Variants in DCC observed in about 807,000 individuals in gnomAD.
DCC encodes the protein DCC netrin 1 receptor, also known as netrin receptor DCC.
DCC carries 58 observed loss-of-function variants against 172.5 expected under a neutral mutation model. The observed-to-expected ratio is 0.34, with a 90% CI of 0.27 to 0.42. The LOEUF (loss-of-function observed/expected upper bound fraction) is 0.42. Among genes scored for constraint, DCC ranks in the 10% least tolerant of loss-of-function variants. DCC has a pLI of 1.00. For missense variants in DCC, 1,740 were observed against 1,791.0 expected (o/e 0.97, Z 0.51); for synonymous variants, 709 against 644.5 (o/e 1.10, Z -1.52).
chr18:52,354,123 G>C (rs530498625), intron 1 of DCC, among the ~76,000 whole-genome samples: 26 of 152,284 alleles, frequency 1.7e-4, no homozygotes, highest in African/African-American at 3.4e-4. Flanking sequence ...TTAGTTACTG[G>C]AGTAGTAATA....
At chr18:52,740,013 G>T (rs781069991) in intron 1 of DCC, among the ~76,000 whole-genome samples, 1 of 152,136 alleles carries the variant, frequency 6.6e-6, no homozygotes, top group Non-Finnish European at 1.5e-5. Flanking sequence ...ACGCCTGCAT[G>T]CAGTAAGCCC....
At position 53,338,325 on chromosome 18, in the gene DCC, TG is replaced by T. The variant is rs1441257709; in HGVS notation, c.2165-1385del. 3.3e-5 allele frequency among the ~76,000 whole-genome samples: 5 copies of T among 152,306 alleles called. No individual in the cohort carries two copies. The East Asian group carries it at 9.7e-4, about 29-fold the overall frequency. ...GTTGTATAAATATTTATTAATTGGC[TG>T]GGCACGATGGCTCAAGCCTGTAATC... On this transcript the variant is annotated intron_variant, in intron 14 of 28. Coordinates refer to ENST00000442544, the MANE Select transcript of DCC (RefSeq NM_005215.4).
intron 26 of DCC, among the ~76,000 whole-genome samples, chr18:53,491,448 G>A (rs767878024): frequency 6.6e-6 from 1 of 152,038 alleles, no homozygotes; most frequent in Non-Finnish European, 1.5e-5. Context: ...TGCCATGGTG[G>A]TTTGCTGCAC....
intron 1 of DCC, among the ~76,000 whole-genome samples, chr18:52,436,780 C>T (rs1987809910): frequency 6.6e-6 from 1 of 152,112 alleles, no homozygotes; most frequent in African/African-American, 2.4e-5. Context: ...ATCAGCTAGG[C>T]ATGGTGGTAC....
intron 1 of DCC, among the ~76,000 whole-genome samples, chr18:52,454,473 A>G (rs1032704796): frequency 4.0e-5 from 6 of 151,152 alleles, no homozygotes; most frequent in Admixed American, 3.9e-4. Flanking sequence ...TTTTCTCCCC[A>G]ATTCTGCTTT....
chr18:52,911,537 ACTT>A (rs1195021384), intron 3 of DCC, among the ~76,000 whole-genome samples: 1 of 152,058 alleles, frequency 6.6e-6, no homozygotes, highest in Admixed American at 6.6e-5. Context: ...GATATTAACT[ACTT>A]ATTATAACAG....
intron 24 of DCC, among the ~76,000 whole-genome samples, chr18:53,461,717 T>C (rs1599176446): frequency 6.6e-6 from 1 of 152,256 alleles, no homozygotes; most frequent in African/African-American, 2.4e-5. Context: ...CCATGGATTG[T>C]TGAATATTTC....
At chr18:52,606,795 G>C (rs1806845702) in intron 1 of DCC, among the ~76,000 whole-genome samples, 1 of 152,140 alleles carries the variant, frequency 6.6e-6, no homozygotes, top group South Asian at 2.1e-4. Flanking sequence ...GTGGGGAAGA[G>C]CAAATTAAGT....
intron 26 of DCC, among the ~76,000 whole-genome samples, chr18:53,495,403 A>AG (rs1346700619): frequency 5.4e-4 from 82 of 151,082 alleles, no homozygotes; most frequent in African/African-American, 1.2e-3. Context: ...AAAAAAAAAA[A>AG]AAAGAAAGAA....
chr18:52,841,292 A>AAAAAAAC (rs5824972), intron 2 of DCC, among the ~76,000 whole-genome samples: 166 of 139,986 alleles, frequency 1.2e-3, no homozygotes, highest in South Asian at 5.2e-3. Flanking sequence ...TGCTTAAAAA[A>AAAAAAAC]AAAACAACAC....
Position 53,085,988 on chromosome 18 carries a change from TCTC to T in DCC, c.1261+19825_1261+19827del, listed in dbSNP as rs1270669321. 1.8e-3 allele frequency among the ~76,000 whole-genome samples: 98 copies of T among 55,142 alleles called. 10 individuals are homozygous for T. The highest frequency in any genetic ancestry group is 0.013 in the African/African-American group (59 of 4,522). 36.2% of individuals were successfully genotyped at this position (55,142 alleles called of 152,430 possible). The stretch of plus-strand genomic sequence containing the variant: ...TTCTTCTTCTTCTTCTTCTTCTTCT[TCTC>T]CTTCTCCTTCTTCTCCTTCTCCTTC... On this transcript the variant is annotated intron_variant, in intron 7 of 28. Transcript: ENST00000442544.
chr18:53,144,857 T>G (rs1176994965), intron 7 of DCC, among the ~76,000 whole-genome samples: 2 of 152,038 alleles, frequency 1.3e-5, no homozygotes, highest in Non-Finnish European at 2.9e-5. Context: ...AGAGGGAAGT[T>G]TTTACAATGT....
intron 1 of DCC, among the ~76,000 whole-genome samples, chr18:52,631,537 A>G (rs1222461608): frequency 1.3e-5 from 2 of 152,150 alleles, no homozygotes; most frequent in Admixed American, 1.3e-4. Context: ...GAAAATGCTA[A>G]TCTTATTTTG....
chr18:52,876,725 T>A (rs929602731), intron 2 of DCC, among the ~76,000 whole-genome samples: 10 of 152,178 alleles, frequency 6.6e-5, no homozygotes, highest in South Asian at 6.2e-4. Flanking sequence ...TAGTCTAGGA[T>A]GAGGTCTGAG....
intron 1 of DCC, among the ~76,000 whole-genome samples, chr18:52,363,114 G>C (rs1280937959): frequency 6.6e-6 from 1 of 152,090 alleles, no homozygotes; most frequent in Non-Finnish European, 1.5e-5. Context: ...CTGACCTCAA[G>C]TGATCCGCCA....
In DCC at chr18:52,714,685, G is replaced by A. The variant is rs752627372; in HGVS notation, c.92-37369G>A. ...CTAATGTTGGATTACTGACTATTAG[G>A]TTCTGATTATTCCATTAAAAGGATT... On this transcript the variant is annotated intron_variant, in intron 1 of 28. Coordinates refer to ENST00000442544, the MANE Select transcript of DCC (RefSeq NM_005215.4). Among the ~76,000 whole-genome samples, 16 of 152,186 alleles carry A rather than the reference G, an allele frequency of 1.1e-4. 1 individual carries two copies. Among genetic ancestry groups the A allele is most frequent in the Middle Eastern group, 6.8e-3 (2 of 292 alleles).
chr18:52,647,126 A>G (rs1325365913), intron 1 of DCC, among the ~76,000 whole-genome samples: 1 of 152,200 alleles, frequency 6.6e-6, no homozygotes, highest in Non-Finnish European at 1.5e-5. Flanking sequence ...AGTCAATAGT[A>G]GAAACTCTCA....
At chr18:52,616,568 G>T (rs1189055917) in intron 1 of DCC, among the ~76,000 whole-genome samples, 1 of 151,902 alleles carries the variant, frequency 6.6e-6, no homozygotes, top group Admixed American at 6.6e-5. Context: ...TTTGAGAGGG[G>T]AAAAAAGACT....
intron 5 of DCC, among the ~76,000 whole-genome samples, chr18:53,015,509 G>A (rs2041795590): frequency 6.6e-6 from 1 of 152,130 alleles, no homozygotes; most frequent in Admixed American, 6.6e-5. Flanking sequence ...CCTTATGTGA[G>A]TGACAGTAAT....
Sources: gnomAD v4.1 joint callset for allele counts (sites outside exome capture counted in the v4.1 genomes callset) on GRCh38, gnomAD v4.1.1 for gene constraint, MANE v1.5 for transcripts, NCBI Gene and HGNC (gene_info 2026-07-23, HGNC 2026-07-21) for gene names.